ZNF787: variants seen among roughly 807,000 people sequenced by gnomAD.
The protein encoded by ZNF787 is TTF-I-interacting peptide 20.
A neutral mutation model predicts 16.9 loss-of-function variants in ZNF787; 7 were observed. That is an observed-to-expected ratio of 0.42 (90% CI 0.24 to 0.78). The LOEUF is 0.78. ZNF787 is among the 30% of genes least tolerant of loss of function. ZNF787 has a pLI of 0.30. For synonymous variants in ZNF787, 345 were observed against 270.9 expected, an observed-to-expected ratio of 1.27 and a Z score of -2.69; for missense variants, 551 against 589.3, an observed-to-expected ratio of 0.94 and a Z score of 0.67.
chr19:56,120,084 G>A (rs888957091), intron 1 of ZNF787, among the ~76,000 whole-genome samples: 28 of 150,510 alleles, frequency 1.9e-4, no homozygotes, highest in African/African-American at 6.8e-4. Context: ...CTCTCCATCA[G>A]GGGTCTGGTC....
intron 2 of ZNF787, among the ~76,000 whole-genome samples, chr19:56,091,423 G>A (rs1196631585): frequency 1.3e-5 from 2 of 152,236 alleles, no homozygotes; most frequent in Non-Finnish European, 2.9e-5. Flanking sequence ...ACTGGGGCGG[G>A]TGTGCAGTAC....
At chr19:56,116,363 A>G (rs987720514) in intron 1 of ZNF787, among the ~76,000 whole-genome samples, 1 of 151,898 alleles carries the variant, frequency 6.6e-6, no homozygotes, top group African/African-American at 2.4e-5. Flanking sequence ...AATGGCATAA[A>G]CCCAGGAGGC....
At chr19:56,091,074 A>G (rs1055129698) in intron 2 of ZNF787, among the ~76,000 whole-genome samples, 12 of 152,256 alleles carry the variant, frequency 7.9e-5, no homozygotes, top group African/African-American at 2.7e-4. Flanking sequence ...CGTTGTCAAC[A>G]TAAATCAAAA....
rs1251800156 is a variant in ZNF787, at chr19:56,087,869, A to C, written c.*154T>G. On this transcript the variant is annotated 3_prime_UTR_variant, in exon 3 of 3. Coordinates refer to ENST00000610935, the MANE Select transcript of ZNF787 (RefSeq NM_001002836.4). Reference sequence around the variant, plus strand: ...CCCTAATACGCCCCAGTGCCCCCCCACGGACGGCGCAGGGACAGAGGAGGG... The same window carrying C: ...CCCTAATACGCCCCAGTGCCCCCCCCCGGACGGCGCAGGGACAGAGGAGGG... 9.3e-6 allele frequency: 11 copies of C among 1,188,374 alleles called. No individual in the cohort carries two copies. Among genetic ancestry groups the C allele is most frequent in the South Asian group, 5.6e-5 (2 of 35,904 alleles). The allele number at this position is 1,188,374 out of a possible 1,614,324, so 73.6% of individuals were successfully genotyped here. A position where few individuals can be genotyped will look rare whatever the true frequency, so the allele number is the denominator to read the frequency against.
At chr19:56,090,975 T>C (rs1174365599) in intron 2 of ZNF787, among the ~76,000 whole-genome samples, 2 of 152,224 alleles carry the variant, frequency 1.3e-5, no homozygotes, top group African/African-American at 4.8e-5. Context: ...AGTATTCGAA[T>C]ATGGCTCTTG....
chr19:56,095,412 C>T (rs886519439), intron 2 of ZNF787, among the ~76,000 whole-genome samples: 1 of 151,962 alleles, frequency 6.6e-6, no homozygotes, highest in Non-Finnish European at 1.5e-5. Context: ...ATTATAATCA[C>T]TTTTGGGAAG....
chr19:56,119,088 G>A (rs776438602), intron 1 of ZNF787, among the ~76,000 whole-genome samples: 13 of 152,194 alleles, frequency 8.5e-5, no homozygotes, highest in Admixed American at 6.5e-5. Context: ...CTCTGGGACA[G>A]GGACTGTATG....
At chr19:56,102,733 G>A (rs543233685) in intron 2 of ZNF787, 2 of 595,362 alleles carry the variant, frequency 3.4e-6, no homozygotes, top group African/African-American at 1.9e-5. Flanking sequence ...GGCCACCCCT[G>A]GTGTAAGGAG....
chr19:56,105,077 G>C (rs998723052), intron 1 of ZNF787, among the ~76,000 whole-genome samples: 13 of 152,114 alleles, frequency 8.5e-5, no homozygotes, highest in African/African-American at 3.1e-4. Flanking sequence ...GCAGTGAGGA[G>C]AGATCACACT....
In ZNF787 at chr19:56,089,040, C is replaced by T; in HGVS notation, c.132G>A (p.Lys44=). 2.0e-6 allele frequency: 3 copies of T among 1,466,922 alleles called. No homozygotes were observed. Among genetic ancestry groups the T allele is most frequent in the South Asian group, 1.4e-5 (1 of 69,032 alleles). 90.9% of individuals were successfully genotyped at this position (1,466,922 alleles called of 1,614,324 possible). A position where few individuals can be genotyped will look rare whatever the true frequency, so the allele number is the denominator to read the frequency against. The change falls in exon 3 of 3, where the codon AAG becomes AAA. Residue 44 remains lysine (K), a synonymous_variant. Coordinates refer to ENST00000610935, the MANE Select transcript of ZNF787 (RefSeq NM_001002836.4). ...GGGGCGCAGACTGGGGCGGGGACAGCTTGGTGGGAGGCCAGCTGGGGACGT... is the reference window on the plus strand; with the variant it reads ...GGGGCGCAGACTGGGGCGGGGACAGTTTGGTGGGAGGCCAGCTGGGGACGT... ...DDDVPSWPPT[K]LSPPQSAPPA... is the part of the protein sequence containing the mutation.
chr19:56,116,877 T>C lies in ZNF787; in HGVS notation c.-11+4295A>G, dbSNP rs533328119. 1.9e-4 allele frequency among the ~76,000 whole-genome samples: 29 copies of C among 152,292 alleles called. No individual in the cohort carries two copies. In the East Asian group the frequency reaches 3.7e-3, roughly 19 times the overall value. On this transcript the variant is annotated intron_variant, in intron 1 of 2. Transcript: ENST00000610935. ...CTTCCCTCAGCTCTATCCTCTCTTA[T>C]CCAGCGACAAAAGATCACACTCATC...
chr19:56,088,611 G>A lies in ZNF787; in HGVS notation c.561C>T (p.Phe187=). 6.6e-7 allele frequency: 1 copy of A among 1,520,986 alleles called. No individual in the cohort carries two copies. The highest frequency in any genetic ancestry group is 8.8e-7 in the Non-Finnish European group (1 of 1,141,258). The allele number at this position is 1,520,986 out of a possible 1,614,324, so 94.2% of individuals were successfully genotyped here. ...GACGCGCGAGGCTCTTGGGCTGGCT[G>A]AAGCCGCGGCCGCAGCGCGGGCACA... ...PFVCPRCGRG[F]SQPKSLARHL... Residue 187 remains phenylalanine (F), a synonymous_variant, in exon 3 of 3, where the codon TTC becomes TTT. Transcript: ENST00000610935. This position sits in a 1 kb window ranked among gnomAD's most constrained non-coding sequence, Gnocchi z 8.6.
intron 1 of ZNF787, among the ~76,000 whole-genome samples, chr19:56,107,324 C>T (rs917514151): frequency 2.6e-5 from 4 of 152,198 alleles, no homozygotes; most frequent in South Asian, 2.1e-4. Flanking sequence ...CCCACCACTA[C>T]GCTCGCCTCA....
intron 1 of ZNF787, among the ~76,000 whole-genome samples, chr19:56,105,211 C>A (rs1280156386): frequency 6.6e-6 from 1 of 152,148 alleles, no homozygotes; most frequent in African/African-American, 2.4e-5. Context: ...CCTTCTCCCA[C>A]CCTCCTGCAG....
rs111600389 is a variant in ZNF787, at chr19:56,100,202, G to A, written c.79+2937C>T. ...TGCTGAGTGCCTGCAGCCTGGCTCG[G>A]GTGGCACCCTCCCTCTTTGGCACTC... On this transcript the variant is annotated intron_variant, in intron 2 of 2. Coordinates refer to ENST00000610935, the MANE Select transcript of ZNF787 (RefSeq NM_001002836.4). 5.4e-3 allele frequency among the ~76,000 whole-genome samples: 822 copies of A among 152,240 alleles called. 11 individuals are homozygous for A. Among genetic ancestry groups the A allele is most frequent in the African/African-American group, 0.019 (771 of 41,526 alleles).
chr19:56,115,211 A>G (rs1206168012), intron 1 of ZNF787, among the ~76,000 whole-genome samples: 1 of 151,910 alleles, frequency 6.6e-6, no homozygotes, highest in Non-Finnish European at 1.5e-5. Context: ...CTCTCGTCTG[A>G]GCCGGTTTTG....
intron 2 of ZNF787, 76 bp downstream of exon 2, chr19:56,103,063 T>C: frequency 3.3e-6 from 5 of 1,530,530 alleles, no homozygotes; most frequent in Non-Finnish European, 4.5e-6. Context: ...GGGGGTTTCC[T>C]CCCACCCAGA....
intron 1 of ZNF787, among the ~76,000 whole-genome samples, chr19:56,115,354 CTTTTTTTTTTT>C (rs543989293): frequency 1.8e-5 from 2 of 113,166 alleles, no homozygotes; most frequent in Non-Finnish European, 3.6e-5. Context: ...GATTTCGCTG[CTTTTTTTTTTT>C]TTTTTTTTTT....
chr19:56,117,045 G>A (rs2030156739), intron 1 of ZNF787, among the ~76,000 whole-genome samples: 1 of 152,196 alleles, frequency 6.6e-6, no homozygotes, highest in Admixed American at 6.5e-5. Context: ...GGGCAGGGCA[G>A]GGTGGGATCT....
Sources: gnomAD v4.1 joint callset for allele counts (sites outside exome capture counted in the v4.1 genomes callset) on GRCh38, gnomAD v4.1.1 for gene constraint, Gnocchi (gnomAD v3.1) non-coding constraint, MANE v1.5 for transcripts, NCBI Gene and HGNC (gene_info 2026-07-23, HGNC 2026-07-21) for gene names.